SLC39A10: variants seen among roughly 807,000 people sequenced by gnomAD.
SLC39A10 encodes solute carrier family 39 member 10, also known as zinc transporter ZIP10.
A neutral mutation model predicts 65.1 loss-of-function variants in SLC39A10; 13 were observed. The observed-to-expected ratio is 0.20, with a 90% CI of 0.13 to 0.32. SLC39A10 has a LOEUF of 0.32. SLC39A10 is among the 10% of genes least tolerant of loss of function. SLC39A10 has a pLI of 1.00. For missense variants in SLC39A10, 831 were observed against 1,018.4 expected, an observed-to-expected ratio of 0.82 and a Z score of 2.50; for synonymous variants, 321 against 342.2, an observed-to-expected ratio of 0.94 and a Z score of 0.68.
chr2:195,719,589 A>G (rs1691944096), intron 8 of SLC39A10, among the ~76,000 whole-genome samples: 1 of 150,518 alleles, frequency 6.6e-6, no homozygotes, highest in African/African-American at 2.4e-5. Context: ...TGTTGCCACA[A>G]CCCTCCCAGC....
chr2:195,664,847 A>C (rs1318947906), intron 1 of SLC39A10, among the ~76,000 whole-genome samples: 1 of 152,228 alleles, frequency 6.6e-6, no homozygotes, highest in African/African-American at 2.4e-5. Flanking sequence ...AATCAAAGAT[A>C]ATAGCACAAA....
At position 195,657,889 on chromosome 2, in the gene SLC39A10, C is replaced by T. The variant is rs1365212005; in HGVS notation, c.-12+608C>T. 5.9e-5 allele frequency among the ~76,000 whole-genome samples: 9 copies of T among 152,308 alleles called. No homozygotes were observed. The East Asian group carries it at 1.5e-3, about 26-fold the overall frequency. On this transcript the variant is annotated intron_variant, in intron 1 of 9. Coordinates refer to ENST00000359634, the MANE Select transcript of SLC39A10 (RefSeq NM_020342.3). ...GCTAACGGACGGCGGCGCCTCTGCTCCTACTAGTTTTCTCCCGGACCAACC... is the reference window on the plus strand; with the variant it reads ...GCTAACGGACGGCGGCGCCTCTGCTTCTACTAGTTTTCTCCCGGACCAACC...
At chr2:195,711,160 T>G (rs560357413) in intron 5 of SLC39A10, among the ~76,000 whole-genome samples, 1 of 152,328 alleles carries the variant, frequency 6.6e-6, no homozygotes, top group South Asian at 2.1e-4. Context: ...CAATTGAGCA[T>G]CTCTAATGTG....
At chr2:195,731,461 C>T (rs575157955) in intron 9 of SLC39A10, among the ~76,000 whole-genome samples, 25 of 152,262 alleles carry the variant, frequency 1.6e-4, no homozygotes, top group Admixed American at 4.6e-4. Context: ...ACTTATTTAT[C>T]GTGTTCATTG....
At chr2:195,657,090 C>G (rs1413425747), upstream of SLC39A10, 1 of 152,382 alleles carries the variant, frequency 6.6e-6, no homozygotes, top group Non-Finnish European at 1.5e-5. Context: ...CATAGCGTAG[C>G]ACCCATAGGC....
intron 1 of SLC39A10, among the ~76,000 whole-genome samples, chr2:195,675,927 C>T (rs1199036057): frequency 6.6e-6 from 1 of 152,070 alleles, no homozygotes; most frequent in Non-Finnish European, 1.5e-5. Context: ...TACTTAACAT[C>T]TAGTATTGTG....
intron 2 of SLC39A10, among the ~76,000 whole-genome samples, chr2:195,623,651 A>C (rs547769119): frequency 6.6e-6 from 1 of 152,336 alleles, no homozygotes; most frequent in South Asian, 2.1e-4. Flanking sequence ...GTCTCAGACA[A>C]GAAAACACTT....
At chr2:195,706,856 C>G in intron 4 of SLC39A10, 71 bp downstream of exon 4, 2 of 1,070,480 alleles carry the variant, frequency 1.9e-6, no homozygotes, top group Non-Finnish European at 2.5e-6. Flanking sequence ...CCTTCATTAG[C>G]AAGCTATAGC....
chr2:195,729,024 G>A (rs1335014361), intron 9 of SLC39A10, among the ~76,000 whole-genome samples: 2 of 150,514 alleles, frequency 1.3e-5, no homozygotes, highest in African/African-American at 4.9e-5. Context: ...CTAGGCTGGA[G>A]TACAGTGGCA....
At chr2:195,642,546 G>T (rs1198589600) in intron 2 of SLC39A10, among the ~76,000 whole-genome samples, 1 of 152,196 alleles carries the variant, frequency 6.6e-6, no homozygotes, top group Non-Finnish European at 1.5e-5. Context: ...AAACAGAGAA[G>T]TCCATGTCAC....
intron 2 of SLC39A10, among the ~76,000 whole-genome samples, chr2:195,625,769 A>G (rs1688460728): frequency 6.6e-6 from 1 of 152,190 alleles, no homozygotes; most frequent in Non-Finnish European, 1.5e-5. Context: ...CAAAGCAGTG[A>G]TACCAAAAAT....
chr2:195,641,282 G>A (rs1466847093), intron 2 of SLC39A10, among the ~76,000 whole-genome samples: 1 of 152,156 alleles, frequency 6.6e-6, no homozygotes, highest in Non-Finnish European at 1.5e-5. Context: ...GCAAGGGGAA[G>A]GGGTGCCGAG....
chr2:195,662,499 C>CTG (rs373344897), intron 1 of SLC39A10, among the ~76,000 whole-genome samples: 1 of 1,228 alleles, frequency 8.1e-4, no homozygotes, highest in Non-Finnish European at 0.014. Flanking sequence ...TGGTCTCAAA[C>CTG]TCGAACTCAA....
intron 1 of SLC39A10, among the ~76,000 whole-genome samples, chr2:195,661,134 A>C (rs958679137): frequency 6.6e-6 from 1 of 152,218 alleles, no homozygotes; most frequent in Non-Finnish European, 1.5e-5. Context: ...AACAGATAAC[A>C]TTCTACAAAA....
At chr2:195,721,879 T>C (rs1692058401) in intron 8 of SLC39A10, among the ~76,000 whole-genome samples, 1 of 152,240 alleles carries the variant, frequency 6.6e-6, no homozygotes, top group African/African-American at 2.4e-5. Context: ...TTTTACTGAA[T>C]TGCCATAACC....
At chr2:195,682,529 T>A (rs1423588542) in intron 2 of SLC39A10, among the ~76,000 whole-genome samples, 2 of 152,150 alleles carry the variant, frequency 1.3e-5, no homozygotes, top group Non-Finnish European at 2.9e-5. Context: ...TCGCCTCAAG[T>A]AGTTCTCCAG....
At chr2:195,697,523 T>G (rs962386373) in intron 3 of SLC39A10, among the ~76,000 whole-genome samples, 1 of 152,178 alleles carries the variant, frequency 6.6e-6, no homozygotes, top group African/African-American at 2.4e-5. Flanking sequence ...TTGTACAGAT[T>G]AGTCACCCAG....
chr2:195,687,070 G>A (rs898744252), intron 3 of SLC39A10, among the ~76,000 whole-genome samples: 1 of 152,080 alleles, frequency 6.6e-6, no homozygotes, highest in Non-Finnish European at 1.5e-5. Flanking sequence ...AACTGGATTT[G>A]AATTCTGATC....
chr2:195,667,410 G>A (rs1467246811), intron 1 of SLC39A10, among the ~76,000 whole-genome samples: 1 of 152,184 alleles, frequency 6.6e-6, no homozygotes, highest in Non-Finnish European at 1.5e-5. Context: ...AAACTGGTAA[G>A]GTGTAGTGAG....
Sources: gnomAD v4.1 joint callset for allele counts (sites outside exome capture counted in the v4.1 genomes callset) on GRCh38, gnomAD v4.1.1 for gene constraint, MANE v1.5 for transcripts, NCBI Gene and HGNC (gene_info 2026-07-23, HGNC 2026-07-21) for gene names.